The following BCAS3 variants were observed in gnomAD, a reference collection of about 807,000 sequenced individuals.
The protein encoded by BCAS3 is BCAS4/BCAS3 fusion.
BCAS3 carries 53 observed loss-of-function variants against 116.1 expected under a neutral mutation model. The ratio of observed to expected loss-of-function variants is 0.46; its 90% confidence interval spans 0.37 to 0.57. BCAS3 has a LOEUF of 0.57. BCAS3 is among the 20% of genes least tolerant of loss of function. The pLI, the probability that BCAS3 is intolerant of heterozygous loss-of-function variation, is 0.00. For synonymous variants in BCAS3, 391 were observed against 408.2 expected, an observed-to-expected ratio of 0.96 and a Z score of 0.51; for missense variants, 917 against 1,165.4, an observed-to-expected ratio of 0.79 and a Z score of 3.10.
At chr17:60,891,819 G>T in intron 10 of BCAS3, 1 of 447,664 alleles carries the variant, frequency 2.2e-6, no homozygotes, top group South Asian at 1.6e-5. Context: ...TCCCCCTTTT[G>T]GAGTCCCCAC....
rs2082923090 is a variant in BCAS3 at position 61,235,011 on chromosome 17, C to T, written c.2426-133316C>T. Among the ~76,000 whole-genome samples the T allele has an allele frequency of 6.6e-6, 1 of 152,134 alleles. No homozygotes were observed. The highest frequency in any genetic ancestry group is 2.4e-5 in the African/African-American group (1 of 41,420). On this transcript the variant is annotated intron_variant, in intron 22 of 23. Transcript: ENST00000407086. This position sits in a 1 kb window ranked among gnomAD's most constrained non-coding sequence, Gnocchi z 5.0. ...CAAGCAATTCTCCTTCCTCAGCCTCCCGAGTAGCTGGGACTATAGGCGCAC... is the reference window on the plus strand; with the variant it reads ...CAAGCAATTCTCCTTCCTCAGCCTCTCGAGTAGCTGGGACTATAGGCGCAC...
chr17:61,049,543 T>C (rs868575079), intron 19 of BCAS3, among the ~76,000 whole-genome samples: 1 of 151,256 alleles, frequency 6.6e-6, no homozygotes, highest in Non-Finnish European at 1.5e-5. Flanking sequence ...AAACTGCAGA[T>C]AGAAAAAGGT....
chr17:61,272,677 A>G (rs1232671607), intron 22 of BCAS3, among the ~76,000 whole-genome samples: 3 of 128,212 alleles, frequency 2.3e-5, no homozygotes, highest in African/African-American at 8.2e-5. Flanking sequence ...AGCAATTTTG[A>G]TCATCTCTCC....
At chr17:60,992,105 A>T (rs1463463798) in intron 15 of BCAS3, among the ~76,000 whole-genome samples, 1 of 150,218 alleles carries the variant, frequency 6.7e-6, no homozygotes, top group Non-Finnish European at 1.5e-5. Flanking sequence ...CTTCTATGTA[A>T]TTCTTTTGAG....
intron 19 of BCAS3, among the ~76,000 whole-genome samples, chr17:61,050,060 A>G (rs1227766919): frequency 6.6e-6 from 1 of 152,020 alleles, no homozygotes; most frequent in Non-Finnish European, 1.5e-5. Flanking sequence ...TATGGAAAGA[A>G]AATAACCATC....
chr17:60,890,263 G>A (rs982855099), intron 10 of BCAS3, among the ~76,000 whole-genome samples: 1 of 152,104 alleles, frequency 6.6e-6, no homozygotes, highest in Admixed American at 6.5e-5. Flanking sequence ...AGACCAGCCT[G>A]GCCAACATGG....
At chr17:60,998,009 T>C (rs536453131) in intron 15 of BCAS3, among the ~76,000 whole-genome samples, 1 of 152,274 alleles carries the variant, frequency 6.6e-6, no homozygotes, top group African/African-American at 2.4e-5. Flanking sequence ...TCCTCCCCAC[T>C]TTTGAATCCC....
At chr17:61,304,605 G>T (rs574903513) in intron 22 of BCAS3, among the ~76,000 whole-genome samples, 1 of 152,132 alleles carries the variant, frequency 6.6e-6, no homozygotes, top group South Asian at 2.1e-4. Context: ...GAGGAAAGAG[G>T]AAGGGTTAAG....
intron 22 of BCAS3, among the ~76,000 whole-genome samples, chr17:61,263,444 C>A (rs145571574): frequency 1.4e-3 from 220 of 152,360 alleles, no homozygotes; most frequent in African/African-American, 4.8e-3. Flanking sequence ...CATTCTCTTT[C>A]CATTGACTCT....
At chr17:61,163,252 G>A (rs540724209) in intron 22 of BCAS3, among the ~76,000 whole-genome samples, 11 of 152,112 alleles carry the variant, frequency 7.2e-5, no homozygotes, top group South Asian at 2.1e-4. Flanking sequence ...GTGAAACCCA[G>A]TCTCTACTAA....
intron 12 of BCAS3, among the ~76,000 whole-genome samples, chr17:60,918,907 A>G (rs1301461161): frequency 6.6e-6 from 1 of 151,924 alleles, no homozygotes; most frequent in African/African-American, 2.4e-5. Context: ...GTTAGCCAGG[A>G]TGGTCCCGAT....
intron 17 of BCAS3, chr17:61,036,368 C>T (rs2067029851): frequency 6.6e-6 from 1 of 152,100 alleles, no homozygotes; most frequent in African/African-American, 2.4e-5. Flanking sequence ...GGATCTCACG[C>T]GCAGCAGGTT....
chr17:60,714,172 C>T (rs907172759), intron 5 of BCAS3, among the ~76,000 whole-genome samples: 9 of 152,046 alleles, frequency 5.9e-5, no homozygotes, highest in South Asian at 2.1e-4. Flanking sequence ...CTCACTATGT[C>T]GCCCAGATTG....
In BCAS3 at chr17:61,056,658, C is replaced by G. The variant is rs556119460; in HGVS notation, c.2029+15766C>G. ...TTTTATTAAAAATACATGAGCTACA[C>G]AGAGATTTGAAGAAACTCAGTTTAT... is the stretch of plus-strand genomic sequence containing the variant. On this transcript the variant is annotated intron_variant, in intron 19 of 23. Transcript: ENST00000407086. This position sits in a 1 kb window ranked among gnomAD's most constrained non-coding sequence, Gnocchi z 4.9. 3.9e-5 allele frequency among the ~76,000 whole-genome samples: 6 copies of G among 152,074 alleles called. No individual in the cohort carries two copies. The highest frequency in any genetic ancestry group is 5.9e-5 in the Non-Finnish European group (4 of 68,012).
At position 61,382,034 on chromosome 17, in the gene BCAS3, C is replaced by T. The variant is rs7214625; in HGVS notation, c.2594-9943C>T. ...ATACCCCCACTTATTAAGAAACTCTCATAAAGCCTGGGGCCGGGCGCGGTG... is the reference window on the plus strand; with the variant it reads ...ATACCCCCACTTATTAAGAAACTCTTATAAAGCCTGGGGCCGGGCGCGGTG... On this transcript the variant is annotated intron_variant, in intron 23 of 23. Coordinates refer to ENST00000407086, the MANE Select transcript of BCAS3 (RefSeq NM_017679.5). 9.9e-3 allele frequency among the ~76,000 whole-genome samples: 1,510 copies of T among 152,122 alleles called. 26 individuals carry two copies. Among genetic ancestry groups the T allele is most frequent in the African/African-American group, 0.034 (1,424 of 41,506 alleles).
rs2075609652 is a variant in BCAS3 at position 61,118,502 on chromosome 17, G to A, written c.2425+33938G>A. ...AGGTGGTTCTTGTTAACAGCAGATA[G>A]GGATGAAAGTCCTGACTGTACTTAG... On this transcript the variant is annotated intron_variant, in intron 22 of 23. Coordinates refer to ENST00000407086, the MANE Select transcript of BCAS3 (RefSeq NM_017679.5). This position sits in a 1 kb window ranked among gnomAD's most constrained non-coding sequence, Gnocchi z 5.0. Among the ~76,000 whole-genome samples, 2 of 152,256 alleles carry A rather than the reference G, an allele frequency of 1.3e-5. No individual in the cohort carries two copies. The highest frequency in any genetic ancestry group is 2.1e-4 in the South Asian group (1 of 4,816).
chr17:61,089,752 G>A lies in BCAS3; in HGVS notation c.2425+5188G>A, dbSNP rs973228230. ...TCACCATGTTGGCTAGGCTAGTCTC[G>A]AACTTCTGACCTCAGGTGATCCACC... On this transcript the variant is annotated intron_variant, in intron 22 of 23. Coordinates refer to ENST00000407086, the MANE Select transcript of BCAS3 (RefSeq NM_017679.5). Among the ~76,000 whole-genome samples the A allele has an allele frequency of 7.9e-5, 12 of 151,284 alleles. No homozygotes were observed. The East Asian group carries it at 1.2e-3, about 15-fold the overall frequency.
At chr17:61,178,459 T>C (rs2079276119) in intron 22 of BCAS3, among the ~76,000 whole-genome samples, 1 of 152,184 alleles carries the variant, frequency 6.6e-6, no homozygotes, top group Admixed American at 6.5e-5. Context: ...ATGTGAATTA[T>C]GATGAATGAG....
rs2076801501 is a variant in BCAS3, at chr17:61,139,315, A to C, written c.2425+54751A>C. Among the ~76,000 whole-genome samples, 1 of 152,212 alleles carries C rather than the reference A, an allele frequency of 6.6e-6. No homozygotes were observed. The highest frequency in any genetic ancestry group is 2.1e-4 in the South Asian group (1 of 4,836). On this transcript the variant is annotated intron_variant, in intron 22 of 23. Transcript: ENST00000407086. The surrounding 1 kb of genome is among the most constrained non-coding windows in gnomAD (Gnocchi z 4.7). Reference sequence around the variant, plus strand: ...ATTTCCTGATTTGCTTCTTTAAGGAAGTGCGAGAAGGTTAAAGATGTCTGT... The same window carrying C: ...ATTTCCTGATTTGCTTCTTTAAGGACGTGCGAGAAGGTTAAAGATGTCTGT...
Sources: gnomAD v4.1 joint callset for allele counts (sites outside exome capture counted in the v4.1 genomes callset) on GRCh38, gnomAD v4.1.1 for gene constraint, Gnocchi (gnomAD v3.1) non-coding constraint, MANE v1.5 for transcripts, NCBI Gene and HGNC (gene_info 2026-07-23, HGNC 2026-07-21) for gene names.